Variants in MIGA1 observed in about 807,000 individuals in gnomAD.
MIGA1 encodes family with sequence similarity 73, member A.
Under a neutral mutation model 82.0 loss-of-function variants are expected in MIGA1, and 58 were observed. The ratio of observed to expected loss-of-function variants is 0.71; its 90% CI spans 0.57 to 0.88. The LOEUF (loss-of-function observed/expected upper bound fraction) is 0.88, where lower values mean the gene tolerates loss of function less well. Ranked by LOEUF, MIGA1 falls within the 40% of genes least tolerant of loss-of-function variation. The pLI, the probability that MIGA1 is intolerant of heterozygous loss-of-function variation, is 0.00. For missense variants in MIGA1, 751 were observed against 749.1 expected (o/e 1.00, Z -0.03); for synonymous variants, 249 against 253.6 (o/e 0.98, Z 0.17).
At position 77,785,837 on chromosome 1, in the gene MIGA1, G is replaced by GCAAGCTGTTGGT. The variant is rs898834243; in HGVS notation, c.195+2487_195+2498dup. On this transcript the variant is annotated intron_variant, in intron 2 of 15. Transcript: ENST00000370791. ...TCTGTGGCTTTCCCAGGTGTATGGTGCAAGCTGTTGGTGGATCTATCATTC... is the reference window on the plus strand; with the variant it reads ...TCTGTGGCTTTCCCAGGTGTATGGTGCAAGCTGTTGGTCAAGCTGTTGGTGGATCTATCATTC... 3.9e-5 allele frequency among the ~76,000 whole-genome samples: 6 copies of GCAAGCTGTTGGT among 152,186 alleles called. No homozygotes were observed. In the East Asian group the frequency reaches 1.2e-3, roughly 29 times the overall value.
chr1:77,789,663 CTTA>C (rs1254892243), intron 2 of MIGA1, among the ~76,000 whole-genome samples: 1 of 151,590 alleles, frequency 6.6e-6, no homozygotes, highest in Admixed American at 6.6e-5. Context: ...TTTATTTATT[CTTA>C]TTTATGCTCA....
rs1217996007 is a variant in MIGA1, at chr1:77,843,444, C to A, written c.996+37C>A. The A allele has an allele frequency of 4.6e-6, 7 of 1,512,796 alleles. No homozygotes were observed. The East Asian group carries it at 1.6e-4, about 34-fold the overall frequency. 93.7% of individuals were successfully genotyped at this position (1,512,796 alleles called of 1,614,324 possible). On this transcript the variant is annotated intron_variant, in intron 8 of 15. Coordinates refer to ENST00000370791, the MANE Select transcript of MIGA1 (RefSeq NM_198549.4). Reference sequence around the variant, plus strand: ...GTGTTCCTAATGAGGATTTCTGTTTCTTTTTTGGTGGAAACAACAGTCTTG... The same window carrying A: ...GTGTTCCTAATGAGGATTTCTGTTTATTTTTTGGTGGAAACAACAGTCTTG...
At chr1:77,864,180 G>C (rs888613328) in intron 13 of MIGA1, 152 bp downstream of exon 13, 3 of 661,642 alleles carry the variant, frequency 4.5e-6, no homozygotes, top group Non-Finnish European at 7.3e-6. Context: ...GGCCAACATG[G>C]TGAAACCCCA....
At position 77,875,343 on chromosome 1, in the gene MIGA1, A is replaced by G. The variant is rs903056380; in HGVS notation, c.*279A>G. On this transcript the variant is annotated 3_prime_UTR_variant, in exon 16 of 16. Transcript: ENST00000370791. ...AAATATCGCTTGAATTGAAGCCAAT[A>G]TTTGGGAGTTAATTGGTTTGTCTTC... The G allele has an allele frequency of 2.3e-5, 7 of 306,462 alleles. No homozygotes were observed. Among genetic ancestry groups the G allele is most frequent in the Admixed American group, 4.7e-5 (1 of 21,304 alleles). The allele number at this position is 306,462 out of a possible 1,614,324, so 19.0% of individuals were successfully genotyped here. A position where few individuals can be genotyped will look rare whatever the true frequency, so the allele number is the denominator to read the frequency against.
At position 77,861,264 on chromosome 1, in the gene MIGA1, A is replaced by G. The variant is rs748108364; in HGVS notation, c.1316A>G (p.Tyr439Cys). 4.3e-6 allele frequency: 7 copies of G among 1,613,518 alleles called. No homozygotes were observed. The highest frequency in any genetic ancestry group is 1.7e-6 in the Non-Finnish European group (2 of 1,179,750). Residue 439 changes from tyrosine to cysteine, a missense_variant, in exon 12 of 16, where the codon TAT (tyrosine) becomes TGT (cysteine). Around this residue, in one of 3 missense-constraint regions of MIGA1, gnomAD observed 265 missense variants for 293.6 expected, o/e 0.90. Coordinates refer to ENST00000370791, the MANE Select transcript of MIGA1 (RefSeq NM_198549.4). ...GAAGATGTTTTTGATGAAATGATCT[A>G]TTTTTTAGAGCAGACCGATCACTGG...
intron 8 of MIGA1, 71 bp downstream of exon 8, chr1:77,843,478 C>CTGT: frequency 2.6e-6 from 3 of 1,169,572 alleles, no homozygotes; most frequent in Non-Finnish European, 3.8e-6. Context: ...TGTCATTATA[C>CTGT]TGTAATTCAG....
rs752816430 is a variant in MIGA1, at chr1:77,859,389, A to G, written c.1188+3A>G. 1.2e-6 allele frequency: 2 copies of G among 1,611,980 alleles called. No individual in the cohort carries two copies. Among genetic ancestry groups the G allele is most frequent in the Admixed American group, 3.3e-5 (2 of 59,998 alleles). On this transcript the variant is annotated splice_donor_region_variant and intron_variant, in intron 10 of 15. Transcript: ENST00000370791. ...ACTGTATTCGACAGGCTTTTCAGGT[A>G]TTTTTTTAACATTAAGTGACTTCAC... is the stretch of plus-strand genomic sequence containing the variant.
intron 8 of MIGA1, among the ~76,000 whole-genome samples, chr1:77,844,226 A>G (rs1684754194): frequency 6.7e-6 from 1 of 150,128 alleles, no homozygotes; most frequent in South Asian, 2.1e-4. Flanking sequence ...TTTAGTAACA[A>G]TGAAAAACTG....
intron 1 of MIGA1, among the ~76,000 whole-genome samples, chr1:77,781,231 G>A (rs1363154727): frequency 6.6e-6 from 1 of 152,094 alleles, no homozygotes; most frequent in Non-Finnish European, 1.5e-5. Context: ...AATCTTTTAA[G>A]AATATCTCTG....
chr1:77,876,707 A>G lies in MIGA1; in HGVS notation c.*1643A>G, dbSNP rs1213216345. The G allele has an allele frequency of 6.6e-6, 1 of 152,188 alleles. No homozygotes were observed. Among genetic ancestry groups the G allele is most frequent in the African/African-American group, 2.4e-5 (1 of 41,438 alleles). 9.4% of individuals were successfully genotyped at this position (152,188 alleles called of 1,614,324 possible). On this transcript the variant is annotated 3_prime_UTR_variant, in exon 16 of 16. Transcript: ENST00000370791. ...TAGTTTGAATCTTATTGACATTTTAAAGAAGAGTTTTTTCCTCCCTGGAAT... is the reference window on the plus strand; with the variant it reads ...TAGTTTGAATCTTATTGACATTTTAGAGAAGAGTTTTTTCCTCCCTGGAAT...
intron 7 of MIGA1, among the ~76,000 whole-genome samples, chr1:77,841,950 T>G (rs1221300585): frequency 1.4e-5 from 2 of 144,558 alleles, no homozygotes; most frequent in Non-Finnish European, 3.1e-5. Flanking sequence ...ACCTGGCTAT[T>G]TTTTTTTTTT....
In MIGA1 at chr1:77,869,146, T is replaced by TAAC. The variant is rs767721379; in HGVS notation, c.1563+2756_1563+2758dup. Among the ~76,000 whole-genome samples, 219 of 148,564 alleles carry TAAC rather than the reference T, an allele frequency of 1.5e-3. 1 individual carries two copies. Among genetic ancestry groups the TAAC allele is most frequent in the Non-Finnish European group, 2.4e-3 (158 of 67,200 alleles). ...AAGATTAGGGAGTGGTGATGACTCT[T>TAAC]AACGAGCATGCTGCCTTCAAGCATC... On this transcript the variant is annotated intron_variant, in intron 14 of 15. Transcript: ENST00000370791.
intron 7 of MIGA1, among the ~76,000 whole-genome samples, chr1:77,828,151 T>C (rs1457128321): frequency 6.6e-6 from 1 of 152,210 alleles, no homozygotes; most frequent in South Asian, 2.1e-4. Flanking sequence ...TATAATTATT[T>C]ATGTACATAT....
intron 7 of MIGA1, among the ~76,000 whole-genome samples, chr1:77,824,710 T>C (rs1683963649): frequency 6.6e-6 from 1 of 152,196 alleles, no homozygotes; most frequent in African/African-American, 2.4e-5. Flanking sequence ...AAAAGAAATA[T>C]AGCACAGTAG....
chr1:77,862,090 A>AAG (rs1299761726), intron 12 of MIGA1: 1 of 149,104 alleles, frequency 6.7e-6, no homozygotes, highest in African/African-American at 2.6e-5. Context: ...GCAGTGAGCC[A>AAG]AGATCGTGCC....
chr1:77,833,156 C>T (rs1684306986), intron 7 of MIGA1, among the ~76,000 whole-genome samples: 1 of 152,206 alleles, frequency 6.6e-6, no homozygotes, highest in Admixed American at 6.5e-5. Context: ...GCTCTGAGAC[C>T]TTGTCCTCTC....
Position 77,876,457 on chromosome 1 carries a change from A to C in MIGA1, c.*1393A>C, listed in dbSNP as rs1646894626. 1 of 152,236 alleles carries C rather than the reference A, an allele frequency of 6.6e-6. No homozygotes were observed. The highest frequency in any genetic ancestry group is 1.5e-5 in the Non-Finnish European group (1 of 68,044). 9.4% of individuals were successfully genotyped at this position (152,236 alleles called of 1,614,324 possible). On this transcript the variant is annotated 3_prime_UTR_variant, in exon 16 of 16. Transcript: ENST00000370791. ...AGACTGAAGAACTTTCTTTTTATAC[A>C]TTAGAGCATTTTCCCCTGGAATGAG... is the stretch of plus-strand genomic sequence containing the variant.
chr1:77,869,596 A>G (rs1685827823), intron 14 of MIGA1, among the ~76,000 whole-genome samples: 1 of 142,696 alleles, frequency 7.0e-6, no homozygotes, highest in African/African-American at 2.6e-5. Context: ...ACCCTCCCGG[A>G]CGAGGCGGCT....
At chr1:77,872,233 G>T (rs1646851675) in intron 14 of MIGA1, among the ~76,000 whole-genome samples, 2 of 151,898 alleles carry the variant, frequency 1.3e-5, no homozygotes, top group South Asian at 4.1e-4. Flanking sequence ...CCTCCCAAAA[G>T]TGTTGGGATT....
Sources: gnomAD v4.1 joint callset for allele counts (sites outside exome capture counted in the v4.1 genomes callset) on GRCh38, gnomAD v4.1.1 for gene constraint, gnomAD v4.1.1 regional missense constraint, MANE v1.5 for transcripts, NCBI Gene and HGNC (gene_info 2026-07-23, HGNC 2026-07-21) for gene names.